Variants in PREPL observed in about 807,000 individuals in gnomAD.
PREPL encodes prolyl endopeptidase like, also known as prolyl endopeptidase-like.
A neutral mutation model predicts 70.6 loss-of-function variants in PREPL; 77 were observed. The observed-to-expected ratio is 1.09, with a 90% CI of 0.91 to 1.32. The LOEUF (loss-of-function observed/expected upper bound fraction) is 1.32. PREPL is among the 40% of genes most tolerant of loss of function. PREPL has a pLI of 0.00. For synonymous variants in PREPL, 315 were observed against 264.8 expected, an observed-to-expected ratio of 1.19 and a Z score of -1.84; for missense variants, 1,002 against 778.2, an observed-to-expected ratio of 1.29 and a Z score of -3.42.
intron 1 of PREPL, among the ~76,000 whole-genome samples, chr2:44,350,904 C>T (rs1472685307): frequency 6.6e-6 from 1 of 151,854 alleles, no homozygotes; most frequent in Non-Finnish European, 1.5e-5. Flanking sequence ...CCTTGTTTTC[C>T]TCTTACTTCA....
chr2:44,355,099 T>C (rs1379977379), intron 1 of PREPL, among the ~76,000 whole-genome samples: 1 of 152,222 alleles, frequency 6.6e-6, no homozygotes, highest in East Asian at 1.9e-4. Flanking sequence ...ATAATAGCTT[T>C]GTGTCAGTTT....
intron 4 of PREPL, 112 bp downstream of exon 4, chr2:44,343,633 G>T: frequency 2.3e-6 from 2 of 887,468 alleles, no homozygotes; most frequent in Non-Finnish European, 3.6e-6. Context: ...AGTCCATAGG[G>T]ATACATGAAT....
chr2:44,346,955 A>C (rs528141279), intron 1 of PREPL, among the ~76,000 whole-genome samples: 1 of 152,322 alleles, frequency 6.6e-6, no homozygotes, highest in East Asian at 1.9e-4. Flanking sequence ...TTTTAAATTT[A>C]AATGGGTCTG....
chr2:44,340,767 A>G (rs1397413526), intron 5 of PREPL, among the ~76,000 whole-genome samples: 2 of 152,062 alleles, frequency 1.3e-5, no homozygotes, highest in African/African-American at 4.8e-5. Flanking sequence ...GTCTCCACAA[A>G]AAATACAAAA....
intron 2 of PREPL, among the ~76,000 whole-genome samples, chr2:44,345,200 T>C (rs904312931): frequency 5.3e-5 from 8 of 152,242 alleles, no homozygotes; most frequent in East Asian, 3.8e-4. Flanking sequence ...TTGGTTGATA[T>C]GATTTCAGTG....
chr2:44,343,437 A>G (rs1675436454), intron 4 of PREPL, among the ~76,000 whole-genome samples: 1 of 152,208 alleles, frequency 6.6e-6, no homozygotes, highest in Non-Finnish European at 1.5e-5. Context: ...TTAAGATGCA[A>G]CTTACGTGTA....
rs1475530791 is a variant in PREPL at position 44,317,696 on chromosome 2, T to A, written c.*3660A>T. On this transcript the variant is annotated 3_prime_UTR_variant, in exon 14 of 14. Coordinates refer to ENST00000409411, the MANE Select transcript of PREPL (RefSeq NM_001171613.2). ...TTCAAAGAACACTAGACATAAAATA[T>A]AACAATTTTCAAATTTTCAAAGAAT... is the stretch of plus-strand genomic sequence containing the variant. The A allele has an allele frequency of 6.6e-6, 1 of 152,212 alleles. No homozygotes were observed. Among genetic ancestry groups the A allele is most frequent in the Non-Finnish European group, 1.5e-5 (1 of 68,186 alleles). 9.4% of individuals were successfully genotyped at this position (152,212 alleles called of 1,614,324 possible). A position where few individuals can be genotyped will look rare whatever the true frequency, so the allele number is the denominator to read the frequency against.
intron 10 of PREPL, among the ~76,000 whole-genome samples, chr2:44,326,489 G>C (rs1179331335): frequency 6.7e-6 from 1 of 148,492 alleles, no homozygotes; most frequent in East Asian, 2.0e-4. Flanking sequence ...CAACAAGCCT[G>C]GGTAGGTTTT....
intron 8 of PREPL, among the ~76,000 whole-genome samples, chr2:44,332,009 C>T (rs919109526): frequency 4.1e-5 from 6 of 146,370 alleles, no homozygotes; most frequent in African/African-American, 7.7e-5. Context: ...TGCAGTGGCA[C>T]GATCTAGGCT....
At chr2:44,358,082 A>G (rs1165290422) in intron 1 of PREPL, among the ~76,000 whole-genome samples, 1 of 152,192 alleles carries the variant, frequency 6.6e-6, no homozygotes, top group East Asian at 1.9e-4. Context: ...GCAAAAATTG[A>G]ACAAAAACTA....
At chr2:44,329,160 A>C (rs773864355) in intron 8 of PREPL, 48 bp from the exon 9 acceptor site, 2 of 1,440,532 alleles carry the variant, frequency 1.4e-6, no homozygotes, top group Non-Finnish European at 1.9e-6. Context: ...CTTTTATAAT[A>C]ACTGTTTTAT....
At chr2:44,343,640 G>T in intron 4 of PREPL, 105 bp downstream of exon 4, 1 of 974,398 alleles carries the variant, frequency 1.0e-6, no homozygotes, top group South Asian at 1.5e-5. Flanking sequence ...AGGGATACAT[G>T]AATCAGGCAT....
chr2:44,326,902 C>G lies in PREPL; in HGVS notation c.1289G>C (p.Trp430Ser), dbSNP rs760033510. The part of the protein sequence containing the change: ...VRGGGELGLQ[W>S]HADGRLTKKL... ...TTTAGTTAGGCGGCCATCAGCGTGC[C>G]ACTGGAGGCCTAACTCACCACCACC... is the stretch of plus-strand genomic sequence containing the variant. Residue 430 changes from tryptophan (W) to serine (S), a missense_variant, in exon 10 of 14, where the codon TGG (tryptophan) becomes TCG (serine). Physicochemically the swap from Trp to Ser is radical, Grantham distance 177. Transcript: ENST00000409411. The G allele has an allele frequency of 2.9e-5, 46 of 1,613,936 alleles. No individual in the cohort carries two copies. Among genetic ancestry groups the G allele is most frequent in the Non-Finnish European group, 3.2e-5 (38 of 1,180,000 alleles).
chr2:44,348,266 A>T (rs1016123355), intron 1 of PREPL, among the ~76,000 whole-genome samples: 7 of 152,194 alleles, frequency 4.6e-5, no homozygotes, highest in African/African-American at 1.7e-4. Context: ...ATTCATTTTT[A>T]AAGCATTTCT....
chr2:44,326,078 C>T (rs1035915431), intron 10 of PREPL, among the ~76,000 whole-genome samples: 58 of 152,190 alleles, frequency 3.8e-4, no homozygotes, highest in Admixed American at 3.7e-3. Context: ...GGACTCAGTG[C>T]ATTCCAGAGT....
chr2:44,359,562 G>A (rs763732074), intron 1 of PREPL: 6 of 1,613,458 alleles, frequency 3.7e-6, no homozygotes, highest in Non-Finnish European at 5.1e-6. Context: ...TTATTCTGAA[G>A]ACACTTGGTT....
chr2:44,351,423 C>A (rs1676423409), intron 1 of PREPL, among the ~76,000 whole-genome samples: 1 of 151,842 alleles, frequency 6.6e-6, no homozygotes, highest in African/African-American at 2.4e-5. Context: ...GTATATCCAA[C>A]TGACTACCCA....
chr2:44,318,442 C>G lies in PREPL; in HGVS notation c.*2914G>C, dbSNP rs1377018838. On this transcript the variant is annotated 3_prime_UTR_variant, in exon 14 of 14. Transcript: ENST00000409411. ...ACAAGAAATGATTTAAATATTTTAT[C>G]AACAGAAAACCAGTTCTATCAACTA... 5.7e-6 allele frequency: 1 copy of G among 175,818 alleles called. No homozygotes were observed. The highest frequency in any genetic ancestry group is 1.2e-5 in the Non-Finnish European group (1 of 81,636). 10.9% of individuals were successfully genotyped at this position (175,818 alleles called of 1,614,324 possible). A position where few individuals can be genotyped will look rare whatever the true frequency, so the allele number is the denominator to read the frequency against.
chr2:44,319,940 T>G lies in PREPL; in HGVS notation c.*1416A>C. 9.8e-6 allele frequency: 4 copies of G among 406,492 alleles called. No homozygotes were observed. In the South Asian group the frequency reaches 1.3e-4, roughly 13 times the overall value. The allele number at this position is 406,492 out of a possible 1,614,324, so 25.2% of individuals were successfully genotyped here. On this transcript the variant is annotated 3_prime_UTR_variant, in exon 14 of 14. Coordinates refer to ENST00000409411, the MANE Select transcript of PREPL (RefSeq NM_001171613.2). The stretch of plus-strand genomic sequence containing the variant: ...TCCTAAAGTGGAGTCAAATTTGATC[T>G]CTACAGAAACTCTACAATGTAGCAG...
Sources: allele counts gnomAD v4.1 joint callset (sites outside exome capture counted in the v4.1 genomes callset), GRCh38; gene constraint gnomAD v4.1.1; transcripts MANE v1.5; gene names NCBI Gene and HGNC (gene_info 2026-07-23, HGNC 2026-07-21).